Variants in ADGRL2 observed in about 807,000 individuals in gnomAD.
The protein encoded by ADGRL2 is adhesion G protein-coupled receptor L2.
Under a neutral mutation model 157.4 loss-of-function variants are expected in ADGRL2, and 44 were observed. That is an observed-to-expected ratio of 0.28 (90% CI 0.22 to 0.36). ADGRL2 has a LOEUF of 0.36. Among genes scored for constraint, ADGRL2 ranks in the 10% least tolerant of loss-of-function variants. ADGRL2 has a pLI of 1.00. For synonymous variants in ADGRL2, 585 were observed against 624.7 expected, an observed-to-expected ratio of 0.94 and a Z score of 0.95; for missense variants, 1,510 against 1,768.9, an observed-to-expected ratio of 0.85 and a Z score of 2.63.
chr1:81,609,015 T>A lies in ADGRL2; in HGVS notation c.-143+28035T>A, dbSNP rs116570207. ...AGGCGGGATGGAGAGGAGAACTAAA[T>A]AAGTAAGCAAATACATGTACAAGTG... On this transcript the variant is annotated intron_variant, in intron 3 of 24. Coordinates refer to the ADGRL2 transcript ENST00000370721. Among the ~76,000 whole-genome samples the A allele has an allele frequency of 2.3e-3, 350 of 151,274 alleles. 3 individuals are homozygous for A. Among genetic ancestry groups the A allele is most frequent in the African/African-American group, 7.9e-3 (324 of 41,142 alleles).
chr1:81,834,986 C>T (rs545934857), intron 1 of ADGRL2, among the ~76,000 whole-genome samples: 2 of 152,230 alleles, frequency 1.3e-5, no homozygotes, highest in African/African-American at 2.4e-5. Context: ...TTTCCCTTCA[C>T]GAACAGAGGT....
chr1:81,805,774 C>A (rs1005781830), intron 1 of ADGRL2, among the ~76,000 whole-genome samples: 4 of 149,132 alleles, frequency 2.7e-5, no homozygotes, highest in African/African-American at 9.8e-5. Flanking sequence ...GCTATTATTG[C>A]ACTTAAGTTG....
At chr1:81,814,471 G>A (rs1210620315) in intron 1 of ADGRL2, among the ~76,000 whole-genome samples, 2 of 151,350 alleles carry the variant, frequency 1.3e-5, no homozygotes, top group Admixed American at 6.6e-5. Flanking sequence ...ATTTTAAGTG[G>A]AAGTTACCAA....
chr1:81,674,024 G>C (rs1240934964), intron 3 of ADGRL2, among the ~76,000 whole-genome samples: 1 of 152,036 alleles, frequency 6.6e-6, no homozygotes, highest in Non-Finnish European at 1.5e-5. Context: ...AATTATCTGA[G>C]TCCTGGCAAC....
intron 3 of ADGRL2, among the ~76,000 whole-genome samples, chr1:81,581,870 GCGCGCACACACA>G: frequency 6.4e-5 from 1 of 15,518 alleles, no homozygotes; most frequent in Non-Finnish European, 1.4e-4. Flanking sequence ...CCACACACAT[GCGCGCACACACA>G]CACACACACA....
intron 1 of ADGRL2, among the ~76,000 whole-genome samples, chr1:81,307,394 A>G (rs1459988866): frequency 1.3e-5 from 2 of 152,186 alleles, no homozygotes; most frequent in Non-Finnish European, 2.9e-5. Flanking sequence ...CTCCTTAGTC[A>G]TATCAATTTT....
At chr1:81,733,973 C>T (rs1435458237) in intron 1 of ADGRL2, among the ~76,000 whole-genome samples, 1 of 152,030 alleles carries the variant, frequency 6.6e-6, no homozygotes, top group African/African-American at 2.4e-5. Flanking sequence ...CACATGTATC[C>T]CTGAACTTAA....
chr1:81,506,123 T>C (rs2078970619), intron 2 of ADGRL2: 1 of 154,984 alleles, frequency 6.5e-6, no homozygotes, highest in Non-Finnish European at 1.4e-5. Flanking sequence ...AAACTTATTT[T>C]CCTATGAAAT....
At chr1:81,596,814 G>A (rs2081243922) in intron 3 of ADGRL2, among the ~76,000 whole-genome samples, 1 of 152,036 alleles carries the variant, frequency 6.6e-6, no homozygotes, top group Admixed American at 6.6e-5. Context: ...ACAGGATTAA[G>A]TAGTCTCTAG....
At chr1:81,814,223 T>C (rs546723868) in intron 1 of ADGRL2, among the ~76,000 whole-genome samples, 1 of 151,788 alleles carries the variant, frequency 6.6e-6, no homozygotes, top group African/African-American at 2.4e-5. Flanking sequence ...GAATTTATGA[T>C]AAAACATTCT....
chr1:81,366,180 T>C (rs141988169), intron 1 of ADGRL2, among the ~76,000 whole-genome samples: 225 of 152,270 alleles, frequency 1.5e-3, no homozygotes, highest in Non-Finnish European at 1.9e-3. Flanking sequence ...ACTAAATTGT[T>C]TACTACAGTA....
intron 2 of ADGRL2, among the ~76,000 whole-genome samples, chr1:81,901,184 T>A (rs776184260): frequency 6.6e-5 from 10 of 152,252 alleles, no homozygotes; most frequent in Non-Finnish European, 1.5e-4. Context: ...TTGCCTCAGA[T>A]GTGGACCCAG....
intron 2 of ADGRL2, among the ~76,000 whole-genome samples, chr1:81,498,661 ACAAG>A (rs1230623712): frequency 6.6e-6 from 1 of 152,200 alleles, no homozygotes; most frequent in Non-Finnish European, 1.5e-5. Context: ...TGCTTGACAA[ACAAG>A]CAAGCTATTC....
chr1:81,621,516 C>T (rs7523535), intron 3 of ADGRL2, among the ~76,000 whole-genome samples: 59,265 of 152,022 alleles, frequency 0.39, 12,030 homozygotes, highest in African/African-American at 0.49. Context: ...TGCCTAAGGC[C>T]TCAGGGCATC....
chr1:81,628,183 A>G (rs1179053799), intron 3 of ADGRL2, among the ~76,000 whole-genome samples: 1 of 152,196 alleles, frequency 6.6e-6, no homozygotes, highest in African/African-American at 2.4e-5. Context: ...CTAGGTAAAT[A>G]ATATTGAAAC....
chr1:81,505,928 T>C (rs1448298904), intron 2 of ADGRL2: 2 of 299,006 alleles, frequency 6.7e-6, no homozygotes, highest in East Asian at 1.5e-4. Flanking sequence ...GTGCAAAAGA[T>C]GGGCCCAAAT....
intron 1 of ADGRL2, among the ~76,000 whole-genome samples, chr1:81,392,690 T>C (rs556150116): frequency 3.9e-5 from 6 of 152,286 alleles, no homozygotes; most frequent in African/African-American, 1.4e-4. Flanking sequence ...TGTTTGACTA[T>C]GATCTTGAAA....
chr1:81,351,022 C>T (rs1419449493), intron 1 of ADGRL2, among the ~76,000 whole-genome samples: 1 of 152,124 alleles, frequency 6.6e-6, no homozygotes, highest in African/African-American at 2.4e-5. Flanking sequence ...ATATTTCCCA[C>T]CCCACCAGAT....
intron 1 of ADGRL2, among the ~76,000 whole-genome samples, chr1:81,390,770 C>T (rs955942272): frequency 1.8e-4 from 28 of 152,414 alleles, no homozygotes; most frequent in African/African-American, 6.5e-4. Context: ...TTTTTTGGTA[C>T]TGCAAAGTAT....
Sources: gnomAD v4.1 joint callset for allele counts (sites outside exome capture counted in the v4.1 genomes callset) on GRCh38, gnomAD v4.1.1 for gene constraint, MANE v1.5 for transcripts, NCBI Gene and HGNC (gene_info 2026-07-23, HGNC 2026-07-21) for gene names.